NISCH: variants seen among roughly 807,000 people sequenced by gnomAD.
NISCH encodes nischarin, also known as I-1 receptor candidate protein.
A neutral mutation model predicts 138.4 loss-of-function variants in NISCH; 55 were observed. The ratio of observed to expected loss-of-function variants is 0.40; its 90% CI spans 0.32 to 0.50. NISCH has a LOEUF of 0.50. NISCH is among the 20% of genes least tolerant of loss of function. NISCH has a pLI of 0.71. For missense variants in NISCH, 1,643 were observed against 2,005.5 expected, an observed-to-expected ratio of 0.82 and a Z score of 3.45; for synonymous variants, 860 against 861.5, an observed-to-expected ratio of 1.00 and a Z score of 0.03.
Position 52,487,958 on chromosome 3 carries a change from C to T in NISCH, c.2466C>T (p.Pro822=), listed in dbSNP as rs1018362820. Residue 822 remains proline (P), a synonymous_variant, in exon 16 of 21, where the codon CCC becomes CCT. Coordinates refer to ENST00000345716, the MANE Select transcript of NISCH (RefSeq NM_007184.4). This position sits in a 1 kb window ranked among gnomAD's most constrained non-coding sequence, Gnocchi z 9.1. ...APQHMAMLCS[P]ILYGSHTSLQ... is the part of the protein sequence containing the mutation. The stretch of plus-strand genomic sequence containing the variant: ...AGCACATGGCCATGCTGTGTAGCCC[C>T]ATCCTCTACGGCAGCCACACCAGCC... 16 of 1,612,050 alleles carry T rather than the reference C, an allele frequency of 9.9e-6. No homozygotes were observed. Among genetic ancestry groups the T allele is most frequent in the African/African-American group, 1.3e-5 (1 of 75,024 alleles).
At chr3:52,465,895 C>T (rs566359255) in intron 3 of NISCH, among the ~76,000 whole-genome samples, 42 of 152,266 alleles carry the variant, frequency 2.8e-4, no homozygotes, top group Admixed American at 5.2e-4. Flanking sequence ...TAGGGCTGAC[C>T]ATGTGCTAGC....
At position 52,487,764 on chromosome 3, in the gene NISCH, C is replaced by G; in HGVS notation, c.2272C>G (p.Arg758Gly). The change falls in exon 16 of 21, where the codon CGC becomes GGC. Residue 758 changes from arginine (R) to glycine (G), a missense_variant. Transcript: ENST00000345716. The surrounding 1 kb of genome is among the most constrained non-coding windows in gnomAD (Gnocchi z 9.1). The part of the protein sequence containing the change: ...GSSQHILSSL[R>G]FVFCFPHGDL... Reference sequence around the variant, plus strand: ...CAGCCAGCACATCCTCTCCTCCCTGCGCTTTGTCTTTTGCTTCCCGCATGG... The same window carrying G: ...CAGCCAGCACATCCTCTCCTCCCTGGGCTTTGTCTTTTGCTTCCCGCATGG... The G allele has an allele frequency of 1.9e-6, 3 of 1,613,806 alleles. No individual in the cohort carries two copies. The highest frequency in any genetic ancestry group is 2.5e-6 in the Non-Finnish European group (3 of 1,180,016).
Position 52,480,828 on chromosome 3 carries a change from C to T in NISCH, c.1528+533C>T, listed in dbSNP as rs139635534. 8,071 of 1,522,468 alleles carry T rather than the reference C, an allele frequency of 5.3e-3. 60 individuals carry two copies. Among genetic ancestry groups the T allele is most frequent in the South Asian group, 0.02 (1,613 of 81,776 alleles). 94.3% of individuals were successfully genotyped at this position (1,522,468 alleles called of 1,614,324 possible). On this transcript the variant is annotated intron_variant, in intron 13 of 20. Transcript: ENST00000345716. ...GGACCCATGGAAGACCAGGCCCATT[C>T]GTCTGCCCACTATCTTAGCGTTTTC...
At chr3:52,477,981 G>T (rs974470286) in intron 9 of NISCH, 116 bp from the exon 10 acceptor site, 1 of 1,047,492 alleles carries the variant, frequency 9.5e-7, no homozygotes, top group Non-Finnish European at 1.4e-6. Context: ...AACTGTCAGA[G>T]TGACTTGCAG....
chr3:52,489,708 G>T, intron 17 of NISCH, 30 bp downstream of exon 17: 1 of 1,597,512 alleles, frequency 6.3e-7, no homozygotes, highest in South Asian at 1.1e-5. Flanking sequence ...TGCCAGCTAT[G>T]GCACGGCCAG....
chr3:52,458,345 C>G (rs926817689), intron 2 of NISCH, among the ~76,000 whole-genome samples: 1 of 152,174 alleles, frequency 6.6e-6, no homozygotes, highest in Non-Finnish European at 1.5e-5. Context: ...GTTTTAAAGA[C>G]ACACCGCTGC....
chr3:52,468,903 A>C (rs1706861665), intron 3 of NISCH, among the ~76,000 whole-genome samples: 1 of 152,174 alleles, frequency 6.6e-6, no homozygotes, highest in African/African-American at 2.4e-5. Context: ...GTCATGAAGG[A>C]TAAAAAAAAA....
rs1331447700 is a variant in NISCH at position 52,457,836 on chromosome 3, CT to C, written c.94-3del. ...TTGCCACAAGGGCTGTTGGTTTCCC[CT>C]TTTAGGTTTACATCATCCAGGTCAC... On this transcript the variant is annotated splice_region_variant and splice_polypyrimidine_tract_variant and intron_variant, in intron 1 of 20. Coordinates refer to ENST00000345716, the MANE Select transcript of NISCH (RefSeq NM_007184.4). The C allele has an allele frequency of 3.1e-6, 5 of 1,606,490 alleles. No individual in the cohort carries two copies. The highest frequency in any genetic ancestry group is 2.6e-6 in the Non-Finnish European group (3 of 1,173,960).
At chr3:52,471,499 C>A in intron 4 of NISCH, 1 of 473,554 alleles carries the variant, frequency 2.1e-6, no homozygotes, top group East Asian at 4.1e-5. Flanking sequence ...GTGTGTCACC[C>A]AGAATGCTGT....
chr3:52,471,154 C>A, intron 4 of NISCH: 1 of 557,280 alleles, frequency 1.8e-6, no homozygotes, highest in Non-Finnish European at 3.2e-6. Flanking sequence ...CTCCCTCGCA[C>A]CTGGTTTGTG....
At chr3:52,467,115 C>G (rs1018686226) in intron 3 of NISCH, among the ~76,000 whole-genome samples, 1 of 151,608 alleles carries the variant, frequency 6.6e-6, no homozygotes, top group African/African-American at 2.4e-5. Flanking sequence ...ATTCTCCTGC[C>G]TCAGACTCCA....
At chr3:52,475,092 C>T (rs771324170) in intron 7 of NISCH, among the ~76,000 whole-genome samples, 2 of 151,922 alleles carry the variant, frequency 1.3e-5, no homozygotes, top group Non-Finnish European at 2.9e-5. Flanking sequence ...TGTGGTGGCT[C>T]ATGCCTGTAA....
intron 14 of NISCH, 48 bp downstream of exon 14, chr3:52,484,685 T>A: frequency 6.2e-7 from 1 of 1,608,434 alleles, no homozygotes; most frequent in Non-Finnish European, 8.5e-7. Context: ...GTGGGTGGAC[T>A]CTTCTGCTTG....
intron 16 of NISCH, 41 bp from the exon 17 acceptor site, chr3:52,489,295 T>C: frequency 3.2e-6 from 5 of 1,581,798 alleles, no homozygotes; most frequent in South Asian, 1.2e-5. Flanking sequence ...GAATCTTCAT[T>C]TGGGGTCCGC....
rs41292364 is a variant in NISCH, at chr3:52,479,882, G to C, written c.1416+20G>C. 71,627 of 1,583,606 alleles carry C rather than the reference G, an allele frequency of 0.045. 1,899 individuals carry two copies. The highest frequency in any genetic ancestry group is 0.064 in the Middle Eastern group (382 of 5,996). On this transcript the variant is annotated intron_variant, in intron 12 of 20. Transcript: ENST00000345716. ...AAGAAGGTGGGTTTGTGTGGCAGGT[G>C]GGAGGGCAGTGGTGCAGAGCCAGCC... is the stretch of plus-strand genomic sequence containing the variant.
At chr3:52,490,864 C>A in intron 19 of NISCH, 31 bp downstream of exon 19, 1 of 1,612,402 alleles carries the variant, frequency 6.2e-7, no homozygotes, top group Non-Finnish European at 8.5e-7. Context: ...TGTCCTATTT[C>A]GGGTGAAGGC....
At chr3:52,491,659 G>A (rs768934512) in intron 20 of NISCH, 146 bp downstream of exon 20, 19 of 1,094,946 alleles carry the variant, frequency 1.7e-5, no homozygotes, top group African/African-American at 3.2e-5. Context: ...GGGGCTTTTC[G>A]ATGGCAGAGT....
chr3:52,455,710 C>T lies in NISCH; in HGVS notation c.69C>T (p.Gly23=), dbSNP rs1241551552. The T allele has an allele frequency of 2.2e-6, 3 of 1,367,230 alleles. No individual in the cohort carries two copies. Among genetic ancestry groups the T allele is most frequent in the South Asian group, 2.0e-5 (1 of 49,416 alleles). 84.7% of individuals were successfully genotyped at this position (1,367,230 alleles called of 1,614,324 possible). ...CGGCCAAGGAAGCGCGCGTCGTGGG[C>T]TCGGAGCTTGTGGACACTTATACGG... is the stretch of plus-strand genomic sequence containing the variant. The part of the protein sequence containing the change: ...AEPAKEARVV[G]SELVDTYTVY... The change falls in exon 1 of 21, where the codon GGC becomes GGT. Residue 23 remains glycine, a synonymous_variant. Transcript: ENST00000345716.
chr3:52,455,886 G>T (rs1706451034), intron 1 of NISCH, 152 bp downstream of exon 1: 1 of 543,828 alleles, frequency 1.8e-6, no homozygotes. Flanking sequence ...GGGGGATCTA[G>T]GAAAGGGATC....
Sources: gnomAD v4.1 joint callset for allele counts (sites outside exome capture counted in the v4.1 genomes callset) on GRCh38, gnomAD v4.1.1 for gene constraint, Gnocchi (gnomAD v3.1) non-coding constraint, MANE v1.5 for transcripts, NCBI Gene and HGNC (gene_info 2026-07-23, HGNC 2026-07-21) for gene names.